TMEM245: variants seen among roughly 807,000 people sequenced by gnomAD.
The protein encoded by TMEM245 is transmembrane protein 245, also known as protein CG-2.
Under a neutral mutation model 101.2 loss-of-function variants are expected in TMEM245, and 69 were observed. The observed-to-expected ratio is 0.68, with a 90% CI of 0.56 to 0.83. The LOEUF is 0.83. TMEM245 is among the 40% of genes least tolerant of loss of function. TMEM245 has a pLI of 0.00. For synonymous variants in TMEM245, 537 were observed against 449.8 expected (o/e 1.19, Z -2.45); for missense variants, 1,075 against 1,092.8 (o/e 0.98, Z 0.23).
chr9:109,026,923 T>C (rs1261322748), intron 17 of TMEM245, among the ~76,000 whole-genome samples: 1 of 152,124 alleles, frequency 6.6e-6, no homozygotes, highest in Non-Finnish European at 1.5e-5. Context: ...TCCACCATGA[T>C]TGGAAGTTTC....
intron 2 of TMEM245, among the ~76,000 whole-genome samples, chr9:109,107,528 G>A (rs1346047715): frequency 1.3e-5 from 2 of 151,780 alleles, no homozygotes; most frequent in Non-Finnish European, 2.9e-5. Context: ...CCTTCCCTGA[G>A]TTCAAAATGA....
chr9:109,053,817 T>C (rs377051197), intron 12 of TMEM245, among the ~76,000 whole-genome samples: 18 of 152,208 alleles, frequency 1.2e-4, no homozygotes, highest in Admixed American at 4.6e-4. Context: ...GAAGAGGACA[T>C]TGCAGGAATG....
chr9:109,028,454 C>CAAA (rs3060541), intron 17 of TMEM245, among the ~76,000 whole-genome samples: 3 of 137,916 alleles, frequency 2.2e-5, no homozygotes, highest in Admixed American at 7.2e-5. Context: ...CACTCCATCT[C>CAAA]AAAAAAAAAA....
chr9:109,041,218 T>C (rs969753433), intron 14 of TMEM245, among the ~76,000 whole-genome samples: 1 of 152,078 alleles, frequency 6.6e-6, no homozygotes, highest in African/African-American at 2.4e-5. Flanking sequence ...TAGTGCACAG[T>C]AGATGCTCAA....
At chr9:109,046,779 A>G (rs1052288122) in intron 14 of TMEM245, among the ~76,000 whole-genome samples, 2 of 152,220 alleles carry the variant, frequency 1.3e-5, no homozygotes, top group African/African-American at 4.8e-5. Context: ...TCATTCATAA[A>G]TTATAAATAA....
intron 1 of TMEM245, among the ~76,000 whole-genome samples, chr9:109,109,045 A>G (rs1437962054): frequency 6.6e-6 from 1 of 152,232 alleles, no homozygotes; most frequent in African/African-American, 2.4e-5. Flanking sequence ...TACTGGGGAA[A>G]TAACTCTGTA....
chr9:109,092,144 G>A (rs1173161630), intron 4 of TMEM245, among the ~76,000 whole-genome samples: 1 of 152,132 alleles, frequency 6.6e-6, no homozygotes, highest in Non-Finnish European at 1.5e-5. Flanking sequence ...TTGAAAGTCA[G>A]CTCCACCAGA....
intron 14 of TMEM245, chr9:109,039,394 A>G (rs1053120049): frequency 2.0e-5 from 3 of 152,234 alleles, no homozygotes; most frequent in African/African-American, 7.2e-5. Context: ...AGGACAGAGC[A>G]AAAAGAAAAC....
At chr9:109,079,395 G>A (rs1431174209) in intron 8 of TMEM245, among the ~76,000 whole-genome samples, 1 of 151,878 alleles carries the variant, frequency 6.6e-6, no homozygotes. Flanking sequence ...GAAGAATGGA[G>A]TTGTCACTGA....
intron 3 of TMEM245, among the ~76,000 whole-genome samples, chr9:109,105,341 A>G (rs1000033953): frequency 6.6e-6 from 1 of 152,226 alleles, no homozygotes; most frequent in Non-Finnish European, 1.5e-5. Flanking sequence ...ATTATCAAAA[A>G]GTGGAAAATA....
intron 3 of TMEM245, among the ~76,000 whole-genome samples, chr9:109,093,899 C>G (rs888032322): frequency 6.6e-6 from 1 of 152,182 alleles, no homozygotes; most frequent in African/African-American, 2.4e-5. Context: ...TTAATGCATA[C>G]TTCTATTGAA....
At chr9:109,084,593 C>G (rs1465612477) in intron 7 of TMEM245, among the ~76,000 whole-genome samples, 1 of 152,160 alleles carries the variant, frequency 6.6e-6, no homozygotes, top group Non-Finnish European at 1.5e-5. Flanking sequence ...AGTACAAAAT[C>G]ATCGCTTGAG....
Position 109,051,241 on chromosome 9 carries a change from G to A in TMEM245, c.1855-549C>T, listed in dbSNP as rs36010954. ...CAGGAGGCAGGGGTTGCAGTGAGCC[G>A]AGATCCTACCATTGCACTGTAGCCT... On this transcript the variant is annotated intron_variant, in intron 12 of 17. Coordinates refer to ENST00000374586, the MANE Select transcript of TMEM245 (RefSeq NM_032012.4). Among the ~76,000 whole-genome samples the A allele has an allele frequency of 6.0e-3, 901 of 150,816 alleles. 9 individuals are homozygous for A. Among genetic ancestry groups the A allele is most frequent in the Non-Finnish European group, 9.7e-3 (655 of 67,846 alleles).
rs779737963 is a variant in TMEM245, at chr9:109,090,976, TGAC to T, written c.1093_1095del (p.Val365del). ...ATCCACAGGTTCAACCAGATCTGCA[TGAC>T]GACAATGGCCCAAACTAGAGACACA... On this transcript the variant is annotated inframe_deletion, in exon 5 of 18. Coordinates refer to ENST00000374586, the MANE Select transcript of TMEM245 (RefSeq NM_032012.4). 2.7e-5 allele frequency: 44 copies of T among 1,614,102 alleles called. No individual in the cohort carries two copies. The highest frequency in any genetic ancestry group is 3.6e-5 in the Non-Finnish European group (42 of 1,180,052).
chr9:109,071,968 C>T (rs1220468161), intron 9 of TMEM245, among the ~76,000 whole-genome samples: 2 of 152,148 alleles, frequency 1.3e-5, no homozygotes, highest in African/African-American at 4.8e-5. Context: ...TAATCTCTGC[C>T]ACAGCTACTC....
chr9:109,067,985 C>T lies in TMEM245; in HGVS notation c.1533-3418G>A, dbSNP rs375340981. ...GGAAACCATTATCATTATTTCATGC[C>T]GACCCCTACTATTTCCAATCCCATC... is the stretch of plus-strand genomic sequence containing the variant. On this transcript the variant is annotated intron_variant, in intron 9 of 17. Transcript: ENST00000374586. Among the ~76,000 whole-genome samples the T allele has an allele frequency of 1.7e-4, 26 of 152,144 alleles. No homozygotes were observed. The South Asian group carries it at 4.6e-3, about 27-fold the overall frequency.
rs1181251169 is a variant in TMEM245, at chr9:109,017,883, C to G, written c.*2577G>C. On this transcript the variant is annotated 3_prime_UTR_variant, in exon 18 of 18. Coordinates refer to ENST00000374586, the MANE Select transcript of TMEM245 (RefSeq NM_032012.4). ...CATGCTGGAATGCTTCTTTCTGGCTCGGAGGGTTCCAAGACCTCCCCAGCT... is the reference window on the plus strand; with the variant it reads ...CATGCTGGAATGCTTCTTTCTGGCTGGGAGGGTTCCAAGACCTCCCCAGCT... The G allele has an allele frequency of 6.6e-6, 1 of 152,180 alleles. No individual in the cohort carries two copies. Among genetic ancestry groups the G allele is most frequent in the East Asian group, 1.9e-4 (1 of 5,192 alleles). The allele number at this position is 152,180 out of a possible 1,614,324, so 9.4% of individuals were successfully genotyped here. A position where few individuals can be genotyped will look rare whatever the true frequency, so the allele number is the denominator to read the frequency against.
chr9:109,049,407 G>A (rs1208274472), intron 14 of TMEM245, among the ~76,000 whole-genome samples: 3 of 152,070 alleles, frequency 2.0e-5, no homozygotes, highest in Admixed American at 6.6e-5. Context: ...TAGAGACAAG[G>A]TCTCGCTATG....
chr9:109,110,365 T>G (rs946974643), intron 1 of TMEM245, among the ~76,000 whole-genome samples: 3 of 152,090 alleles, frequency 2.0e-5, no homozygotes, highest in Non-Finnish European at 1.5e-5. Flanking sequence ...AAACCCAGAT[T>G]TCAGAGAAGT....
Sources: gnomAD v4.1 joint callset for allele counts (sites outside exome capture counted in the v4.1 genomes callset) on GRCh38, gnomAD v4.1.1 for gene constraint, MANE v1.5 for transcripts, NCBI Gene and HGNC (gene_info 2026-07-23, HGNC 2026-07-21) for gene names.